ERC2: variants seen among roughly 807,000 people sequenced by gnomAD.
ERC2 encodes ERC protein 2.
In ERC2, 42 loss-of-function variants were observed where a neutral mutation model predicts 114.8. The observed-to-expected ratio is 0.37, with a 90% CI of 0.29 to 0.47. ERC2 has a LOEUF of 0.47. Ranked by LOEUF, ERC2 falls within the 20% of genes least tolerant of loss-of-function variation. The pLI, the probability that ERC2 is intolerant of heterozygous loss-of-function variation, is 0.99. For missense variants in ERC2, 939 were observed against 1,150.7 expected (o/e 0.82, Z 2.66); for synonymous variants, 454 against 425.5 (o/e 1.07, Z -0.82).
At chr3:56,401,512 A>C (rs1273086260) in intron 2 of ERC2, among the ~76,000 whole-genome samples, 2 of 152,248 alleles carry the variant, frequency 1.3e-5, no homozygotes, top group Admixed American at 1.3e-4. Context: ...TAGCTGCAGA[A>C]TATTCCACAG....
At chr3:55,979,179 G>A (rs545473945) in intron 12 of ERC2, among the ~76,000 whole-genome samples, 38 of 152,260 alleles carry the variant, frequency 2.5e-4, no homozygotes, top group African/African-American at 8.9e-4. Context: ...ATAGCAGAGG[G>A]CTCTGCAGTT....
intron 2 of ERC2, among the ~76,000 whole-genome samples, chr3:56,389,525 C>T (rs747456162): frequency 6.6e-6 from 1 of 152,184 alleles, no homozygotes; most frequent in Admixed American, 6.6e-5. Flanking sequence ...CCACCTGCAA[C>T]AGCAGGAGAG....
At chr3:56,262,191 T>C (rs1421573591) in intron 3 of ERC2, among the ~76,000 whole-genome samples, 1 of 152,208 alleles carries the variant, frequency 6.6e-6, no homozygotes, top group Non-Finnish European at 1.5e-5. Context: ...GTAGACTATG[T>C]TTGGAATTGC....
intron 10 of ERC2, 102 bp from the exon 11 acceptor site, chr3:55,992,352 A>G: frequency 8.5e-6 from 9 of 1,065,008 alleles, no homozygotes; most frequent in Non-Finnish European, 1.2e-5. Flanking sequence ...AGAGAAAATC[A>G]CCACCAAGAT....
chr3:56,446,494 G>A (rs2062568443), intron 1 of ERC2, among the ~76,000 whole-genome samples: 1 of 152,110 alleles, frequency 6.6e-6, no homozygotes, highest in African/African-American at 2.4e-5. Flanking sequence ...GGCAGATGCT[G>A]AGACAAGGAT....
intron 1 of ERC2, among the ~76,000 whole-genome samples, chr3:56,445,345 C>T (rs895531842): frequency 4.6e-5 from 7 of 152,272 alleles, no homozygotes; most frequent in African/African-American, 1.4e-4. Flanking sequence ...CATTCTTTTA[C>T]CACCCACTTC....
chr3:56,327,659 G>C (rs530228789), intron 2 of ERC2, among the ~76,000 whole-genome samples: 2 of 152,104 alleles, frequency 1.3e-5, no homozygotes, highest in Non-Finnish European at 2.9e-5. Context: ...CTGGATAACA[G>C]AGCAAGACTC....
chr3:55,666,320 C>A (rs911378447), intron 17 of ERC2, among the ~76,000 whole-genome samples: 1 of 152,182 alleles, frequency 6.6e-6, no homozygotes, highest in Non-Finnish European at 1.5e-5. Flanking sequence ...TGTACCTCCA[C>A]CTGCCATGCA....
chr3:56,433,802 T>G (rs1367173952), intron 2 of ERC2: 1 of 155,996 alleles, frequency 6.4e-6, no homozygotes, highest in African/African-American at 2.4e-5. Context: ...AGTTAAAAAT[T>G]TATTGTGTAT....
intron 7 of ERC2, among the ~76,000 whole-genome samples, chr3:56,028,104 T>G (rs2074160721): frequency 1.3e-5 from 2 of 152,132 alleles, no homozygotes; most frequent in African/African-American, 4.8e-5. Context: ...AAAAAATCAC[T>G]TAGGCTTATT....
At chr3:55,696,936 C>T (rs951812120) in intron 16 of ERC2, among the ~76,000 whole-genome samples, 1 of 152,160 alleles carries the variant, frequency 6.6e-6, no homozygotes, top group Non-Finnish European at 1.5e-5. Context: ...AATTTAAAAC[C>T]ACAAAAATAT....
At chr3:55,973,090 C>T (rs964042606) in intron 12 of ERC2, among the ~76,000 whole-genome samples, 2 of 152,056 alleles carry the variant, frequency 1.3e-5, no homozygotes, top group African/African-American at 2.4e-5. Flanking sequence ...GCCCATCCTG[C>T]GAGGAGGAGG....
At position 55,896,140 on chromosome 3, in the gene ERC2, G is replaced by A. The variant is rs146718395; in HGVS notation, c.2404-7591C>T. 1.1e-4 allele frequency among the ~76,000 whole-genome samples: 16 copies of A among 152,268 alleles called. No homozygotes were observed. The East Asian group carries it at 2.7e-3, about 26-fold the overall frequency. On this transcript the variant is annotated intron_variant, in intron 13 of 17. Coordinates refer to ENST00000288221, the MANE Select transcript of ERC2 (RefSeq NM_015576.3). Reference sequence around the variant, plus strand: ...CTCCTTTCCTTCATTCCACCACCTCGCTAGGCATCTCCCACATGCCAGGCA... The same window carrying A: ...CTCCTTTCCTTCATTCCACCACCTCACTAGGCATCTCCCACATGCCAGGCA...
chr3:56,231,850 T>C (rs1213678607), intron 3 of ERC2, among the ~76,000 whole-genome samples: 1 of 147,988 alleles, frequency 6.8e-6, no homozygotes, highest in African/African-American at 2.4e-5. Flanking sequence ...ATAGATCCCC[T>C]AGATAAGAAA....
rs764642262 is a variant in ERC2, at chr3:56,080,946, A to G, written c.1512T>C (p.Ser504=). The G allele has an allele frequency of 4.5e-5, 72 of 1,613,316 alleles. No homozygotes were observed. Among genetic ancestry groups the G allele is most frequent in the Admixed American group, 6.7e-5 (4 of 59,934 alleles). The change falls in exon 7 of 18, where the codon TCT becomes TCC. Residue 504 remains serine, a synonymous_variant. Transcript: ENST00000288221. The stretch of plus-strand genomic sequence containing the variant: ...GCTGTTTTGTTTTTTTATTGAGGAA[A>G]GATTCTTTTTCTTCCAGTCGTAATC... ...ALRLRLEEKE[S]FLNKKTKQLQ...
chr3:55,976,299 C>A (rs1315906156), intron 12 of ERC2, among the ~76,000 whole-genome samples: 1 of 152,062 alleles, frequency 6.6e-6, no homozygotes, highest in Non-Finnish European at 1.5e-5. Flanking sequence ...CATCCTGGGT[C>A]CAAGGTGACT....
chr3:56,408,913 G>A (rs1454282054), intron 2 of ERC2, among the ~76,000 whole-genome samples: 1 of 152,242 alleles, frequency 6.6e-6, no homozygotes, highest in African/African-American at 2.4e-5. Flanking sequence ...AACGCACGAG[G>A]CTGGCGTGGC....
Position 56,405,892 on chromosome 3 carries a change from T to C in ERC2, c.657+28459A>G, listed in dbSNP as rs976284056. ...AAGGATATGAACTTTTTTTTCTTTTTTTTTTTTTTTTTTTTTTTGAGATAG... is the reference window on the plus strand; with the variant it reads ...AAGGATATGAACTTTTTTTTCTTTTCTTTTTTTTTTTTTTTTTTGAGATAG... On this transcript the variant is annotated intron_variant, in intron 2 of 17. Transcript: ENST00000288221. Among the ~76,000 whole-genome samples the C allele has an allele frequency of 3.3e-4, 46 of 140,192 alleles. 1 individual carries two copies. The highest frequency in any genetic ancestry group is 2.8e-3 in the Admixed American group (40 of 14,074). 92.0% of individuals were successfully genotyped at this position (140,192 alleles called of 152,430 possible). A position where few individuals can be genotyped will look rare whatever the true frequency, so the allele number is the denominator to read the frequency against.
chr3:56,155,557 A>G (rs892556775), intron 4 of ERC2, among the ~76,000 whole-genome samples: 6 of 152,158 alleles, frequency 3.9e-5, no homozygotes, highest in Admixed American at 1.3e-4. Context: ...CAGAAAAAAT[A>G]TAATGCACAA....
Sources: gnomAD v4.1 joint callset for allele counts (sites outside exome capture counted in the v4.1 genomes callset) on GRCh38, gnomAD v4.1.1 for gene constraint, MANE v1.5 for transcripts, NCBI Gene and HGNC (gene_info 2026-07-23, HGNC 2026-07-21) for gene names.